The following SV2B variants were observed in gnomAD, a reference collection of about 807,000 sequenced individuals.
SV2B encodes the protein synaptic vesicle glycoprotein 2B.
In SV2B, 41 loss-of-function variants were observed where a neutral mutation model predicts 73.9. The ratio of observed to expected loss-of-function variants is 0.56; its 90% CI spans 0.43 to 0.72. SV2B has a LOEUF of 0.72. Ranked by LOEUF, SV2B falls within the 30% of genes least tolerant of loss-of-function variation. The pLI is 0.00. For synonymous variants in SV2B, 314 were observed against 314.2 expected (o/e 1.00, Z 0.01); for missense variants, 764 against 857.8 (o/e 0.89, Z 1.37).
rs1178641986 is a variant in SV2B at position 91,301,880 on chromosome 15, T to A, written c.*9328T>A. Reference sequence around the variant, plus strand: ...GTTTTCAATTTGGGAGCATTTCGGATTTTTGACTTTTGGATTTGGATTTGG... The same window carrying A: ...GTTTTCAATTTGGGAGCATTTCGGAATTTTGACTTTTGGATTTGGATTTGG... On this transcript the variant is annotated 3_prime_UTR_variant, in exon 13 of 13. Coordinates refer to ENST00000394232, the MANE Select transcript of SV2B (RefSeq NM_001323032.3). The surrounding 1 kb of genome is among the most constrained non-coding windows in gnomAD (Gnocchi z 4.3). Among the ~76,000 whole-genome samples, 1 of 152,156 alleles carries A rather than the reference T, an allele frequency of 6.6e-6. No individual in the cohort carries two copies. Among genetic ancestry groups the A allele is most frequent in the Admixed American group, 6.5e-5 (1 of 15,274 alleles).
chr15:91,111,062 G>A (rs1005561470), intron 1 of SV2B, among the ~76,000 whole-genome samples: 2 of 151,826 alleles, frequency 1.3e-5, no homozygotes, highest in African/African-American at 4.8e-5. Flanking sequence ...TGGTGGCGCC[G>A]CCCACGTCTG....
intron 9 of SV2B, among the ~76,000 whole-genome samples, chr15:91,271,920 T>C (rs2048330041): frequency 6.6e-6 from 1 of 152,202 alleles, no homozygotes; most frequent in Non-Finnish European, 1.5e-5. Flanking sequence ...TGATTTAAGG[T>C]TTCGATGGAA....
At chr15:91,171,506 A>G (rs1287823744) in intron 1 of SV2B, among the ~76,000 whole-genome samples, 1 of 152,162 alleles carries the variant, frequency 6.6e-6, no homozygotes, top group African/African-American at 2.4e-5. Flanking sequence ...AATAGACTGC[A>G]GTGGACGTCA....
intron 1 of SV2B, among the ~76,000 whole-genome samples, chr15:91,211,478 G>A (rs2157907): frequency 2.6e-4 from 37 of 144,368 alleles, no homozygotes; most frequent in Admixed American, 1.4e-3. Flanking sequence ...CTCTTCCTCC[G>A]CTGCTGCTGC....
At position 91,226,304 on chromosome 15, in the gene SV2B, C is replaced by T; in HGVS notation, c.41C>T (p.Ala14Val). The T allele has an allele frequency of 2.5e-6, 4 of 1,614,150 alleles. No homozygotes were observed. The South Asian group carries it at 3.3e-5, about 13-fold the overall frequency. The change falls in exon 2 of 13, where the codon GCT becomes GTT. Residue 14 changes from alanine (A) to valine (V), a missense_variant. Transcript: ENST00000394232. ...YKYQDNYGGY[A>V]PSDGYYRGNE... Reference sequence around the variant, plus strand: ...TATCAGGACAATTATGGGGGCTATGCTCCCAGTGATGGCTATTACCGCGGC... The same window carrying T: ...TATCAGGACAATTATGGGGGCTATGTTCCCAGTGATGGCTATTACCGCGGC...
intron 1 of SV2B, among the ~76,000 whole-genome samples, chr15:91,202,303 G>C (rs1326613227): frequency 6.6e-6 from 1 of 152,192 alleles, no homozygotes; most frequent in African/African-American, 2.4e-5. Flanking sequence ...GTCCACTACT[G>C]TTTCTGCAGT....
At chr15:91,160,585 G>A (rs1363737218) in intron 1 of SV2B, among the ~76,000 whole-genome samples, 1 of 152,164 alleles carries the variant, frequency 6.6e-6, no homozygotes, top group Admixed American at 6.5e-5. Context: ...TCCAGCCTGG[G>A]TGACAGAATG....
At chr15:91,206,040 G>A (rs2045625012) in intron 1 of SV2B, among the ~76,000 whole-genome samples, 1 of 151,746 alleles carries the variant, frequency 6.6e-6, no homozygotes, top group African/African-American at 2.4e-5. Context: ...GTGGTTGTGG[G>A]TGGTTGTTTG....
At chr15:91,216,117 TA>T (rs1157741647) in intron 1 of SV2B, among the ~76,000 whole-genome samples, 2 of 152,196 alleles carry the variant, frequency 1.3e-5, no homozygotes, top group Admixed American at 1.3e-4. Flanking sequence ...AACACTGTTG[TA>T]AGTGGGGCGA....
At chr15:91,276,124 A>C (rs897334086) in intron 9 of SV2B, among the ~76,000 whole-genome samples, 4 of 150,382 alleles carry the variant, frequency 2.7e-5, no homozygotes, top group African/African-American at 7.4e-5. Context: ...TTTGGCTTGC[A>C]TACTTTCTGA....
At position 91,124,399 on chromosome 15, in the gene SV2B, C is replaced by T. The variant is rs967336035; in HGVS notation, c.-392+24036C>T. On this transcript the variant is annotated intron_variant, in intron 1 of 12. Transcript: ENST00000394232. The surrounding 1 kb of genome is among the most constrained non-coding windows in gnomAD (Gnocchi z 4.6). ...CCTCAGGAAGTGAGACACCTGCAAC[C>T]GAGTGTGAGGTGCAGCAGCCAAGAG... Among the ~76,000 whole-genome samples the T allele has an allele frequency of 2.6e-5, 4 of 152,048 alleles. No homozygotes were observed. The highest frequency in any genetic ancestry group is 5.9e-5 in the Non-Finnish European group (4 of 68,010).
chr15:91,276,084 T>C (rs2048476823), intron 9 of SV2B, among the ~76,000 whole-genome samples: 1 of 151,802 alleles, frequency 6.6e-6, no homozygotes, highest in Non-Finnish European at 1.5e-5. Context: ...TTTTTCCAGT[T>C]AGAAATTTAA....
chr15:91,126,579 C>T (rs1032211400), intron 1 of SV2B, among the ~76,000 whole-genome samples: 1 of 152,078 alleles, frequency 6.6e-6, no homozygotes, highest in African/African-American at 2.4e-5. Flanking sequence ...AGACAAATAC[C>T]TCGGATATAT....
rs1218584225 is a variant in SV2B at position 91,115,100 on chromosome 15, G to A, written c.-392+14737G>A. Among the ~76,000 whole-genome samples, 2 of 152,218 alleles carry A rather than the reference G, an allele frequency of 1.3e-5. No homozygotes were observed. Among genetic ancestry groups the A allele is most frequent in the Non-Finnish European group, 2.9e-5 (2 of 68,042 alleles). On this transcript the variant is annotated intron_variant, in intron 1 of 12. Transcript: ENST00000394232. This position sits in a 1 kb window ranked among gnomAD's most constrained non-coding sequence, Gnocchi z 4.3. ...ACTGGAGAGTTGTTACTGAAAGAAG[G>A]GGACATAGGTCCTGAGCAGGCAAAG... is the stretch of plus-strand genomic sequence containing the variant.
At chr15:91,237,677 G>C (rs557494798) in intron 2 of SV2B, among the ~76,000 whole-genome samples, 30 of 152,282 alleles carry the variant, frequency 2.0e-4, no homozygotes, top group African/African-American at 7.0e-4. Context: ...CAGGGTTTTT[G>C]CTTAAGACAA....
intron 1 of SV2B, among the ~76,000 whole-genome samples, chr15:91,207,185 C>CTT (rs1228201080): frequency 3.5e-4 from 44 of 126,878 alleles, no homozygotes; most frequent in East Asian, 9.1e-4. Context: ...TTATGCCTGG[C>CTT]TTTTTTTTTT....
Position 91,290,070 on chromosome 15 carries a change from G to A in SV2B, c.1868+390G>A, listed in dbSNP as rs78610340. Among the ~76,000 whole-genome samples the A allele has an allele frequency of 6.1e-3, 929 of 152,300 alleles. 9 individuals are homozygous for A. Among genetic ancestry groups the A allele is most frequent in the African/African-American group, 0.021 (887 of 41,564 alleles). ...GGGGGCAAGGAGAGAAATAAAGGTC[G>A]GGAGGCAGCATGAAGTCCAGGGAAT... On this transcript the variant is annotated intron_variant, in intron 12 of 12. Coordinates refer to ENST00000394232, the MANE Select transcript of SV2B (RefSeq NM_001323032.3). This position sits in a 1 kb window ranked among gnomAD's most constrained non-coding sequence, Gnocchi z 4.7.
chr15:91,291,028 T>C (rs919907693), intron 12 of SV2B, among the ~76,000 whole-genome samples: 3 of 149,676 alleles, frequency 2.0e-5, no homozygotes, highest in Non-Finnish European at 4.4e-5. Flanking sequence ...AATGTATATA[T>C]TTATGGATTA....
intron 9 of SV2B, among the ~76,000 whole-genome samples, chr15:91,276,559 C>T (rs2106694): frequency 0.23 from 35,404 of 151,490 alleles, 5,155 homozygotes; most frequent in East Asian, 0.44. Context: ...TCTATAACTC[C>T]AGTAATCCTT....
Sources: allele counts gnomAD v4.1 joint callset (sites outside exome capture counted in the v4.1 genomes callset), GRCh38; gene constraint gnomAD v4.1.1; non-coding constraint Gnocchi (gnomAD v3.1); transcripts MANE v1.5; gene names NCBI Gene and HGNC (gene_info 2026-07-23, HGNC 2026-07-21).